The following PDCD11 variants were observed in gnomAD, a reference collection of about 807,000 sequenced individuals.
PDCD11 encodes programmed cell death 11.
In PDCD11, 97 loss-of-function variants were observed where a neutral mutation model predicts 198.9. That is an observed-to-expected ratio of 0.49 (90% CI 0.41 to 0.58). The LOEUF (loss-of-function observed/expected upper bound fraction) is 0.58, where lower values mean the gene tolerates loss of function less well. Among genes scored for constraint, PDCD11 ranks in the 20% least tolerant of loss-of-function variants. The pLI is 0.00. For synonymous variants in PDCD11, 893 were observed against 918.0 expected (o/e 0.97, Z 0.49); for missense variants, 2,102 against 2,312.7 (o/e 0.91, Z 1.87).
intron 17 of PDCD11, among the ~76,000 whole-genome samples, chr10:103,422,549 C>T (rs1040128005): frequency 6.6e-5 from 10 of 151,696 alleles, no homozygotes; most frequent in Non-Finnish European, 1.0e-4. Flanking sequence ...TGAATTCACT[C>T]GCCTTTTCAC....
At chr10:103,440,024 A>G (rs1032709362) in intron 28 of PDCD11, among the ~76,000 whole-genome samples, 156 bp downstream of exon 28, 3 of 152,206 alleles carry the variant, frequency 2.0e-5, no homozygotes, top group African/African-American at 7.2e-5. Flanking sequence ...CTTCTCCCCC[A>G]GTGCCTGTGA....
Position 103,439,308 on chromosome 10 carries a change from C to G in PDCD11, c.4026-438C>G. ...ATTAAGCTATGATTGTGCCTCTGAC[C>G]TCCAGCCTGGGAGGCAGTGATACCC... is the stretch of plus-strand genomic sequence containing the variant. On this transcript the variant is annotated intron_variant, in intron 27 of 35. Coordinates refer to ENST00000369797, the MANE Select transcript of PDCD11 (RefSeq NM_014976.2). Among the ~76,000 whole-genome samples, 2 of 152,136 alleles carry G rather than the reference C, an allele frequency of 1.3e-5. 1 individual carries two copies. Among genetic ancestry groups the G allele is most frequent in the Admixed American group, 1.3e-4 (2 of 15,268 alleles).
chr10:103,434,910 A>G lies in PDCD11; in HGVS notation c.3780A>G (p.Ile1260Met). ...FPFGKIGTVSIFHMSDSYSET... is the reference protein window; with the variant it reads ...FPFGKIGTVSMFHMSDSYSET... ...TTGGGAAGATAGGAACAGTCAGTAT[A>G]TTTCACATGAGTGACTCCTACTCCG... Residue 1260 changes from isoleucine (I) to methionine (M), a missense_variant, in exon 25 of 36, where the codon ATA becomes ATG. Ile to Met is a conservative substitution (Grantham distance 10). Coordinates refer to ENST00000369797, the MANE Select transcript of PDCD11 (RefSeq NM_014976.2). 1 of 1,610,278 alleles carries G rather than the reference A, an allele frequency of 6.2e-7. No individual in the cohort carries two copies. Among genetic ancestry groups the G allele is most frequent in the South Asian group, 1.1e-5 (1 of 90,356 alleles).
chr10:103,430,328 A>T (rs1461002835), intron 21 of PDCD11, among the ~76,000 whole-genome samples: 1 of 152,198 alleles, frequency 6.6e-6, no homozygotes, highest in Non-Finnish European at 1.5e-5. Context: ...ATATTCCATT[A>T]TAGGTATATG....
intron 14 of PDCD11, among the ~76,000 whole-genome samples, chr10:103,418,237 G>A (rs553511306): frequency 6.6e-6 from 1 of 152,300 alleles, no homozygotes; most frequent in South Asian, 2.1e-4. Context: ...AGAGAGGAGT[G>A]CGATGGGTCC....
chr10:103,425,329 G>C lies in PDCD11; in HGVS notation c.3109G>C (p.Asp1037His), dbSNP rs773403880. 6.2e-7 allele frequency: 1 copy of C among 1,614,000 alleles called. No individual in the cohort carries two copies. Among genetic ancestry groups the C allele is most frequent in the Non-Finnish European group, 8.5e-7 (1 of 1,180,028 alleles). ...TIKKHTLSIG[D>H]MVTGTVKSIK... ...AAAGAAGCACACCCTCTCCATCGGG[G>C]ACATGGTCACAGGGACTGTCAAGTC... is the stretch of plus-strand genomic sequence containing the variant. The change falls in exon 20 of 36, where the codon GAC becomes CAC. Residue 1037 changes from aspartate to histidine, a missense_variant. Physicochemically the swap from Asp to His is moderately conservative, Grantham distance 81. Transcript: ENST00000369797.
chr10:103,442,767 G>A (rs1210941129), intron 32 of PDCD11, among the ~76,000 whole-genome samples: 4 of 152,228 alleles, frequency 2.6e-5, no homozygotes, highest in African/African-American at 4.8e-5. Context: ...ATACCTGGGC[G>A]AAATCCCTGT....
intron 18 of PDCD11, 25 bp downstream of exon 18, chr10:103,423,162 G>A (rs368497644): frequency 6.6e-7 from 1 of 1,521,348 alleles, no homozygotes; most frequent in African/African-American, 1.4e-5. Context: ...CTTACCCATT[G>A]TGGTTGGTGG....
chr10:103,397,026 C>T (rs1340202790), intron 1 of PDCD11, among the ~76,000 whole-genome samples: 2 of 152,102 alleles, frequency 1.3e-5, no homozygotes, highest in African/African-American at 2.4e-5. Flanking sequence ...TTTCCTGTTT[C>T]TATGAATCAT....
Position 103,415,075 on chromosome 10 carries a change from C to G in PDCD11, c.1442C>G (p.Pro481Arg), listed in dbSNP as rs180760747. ...KVGEQMRGLV[P>R]PMHLADILMK... ...GGCGAGCAGATGAGGGGCCTGGTACCTCCCATGCACCTGGCTGACATCCTG... is the reference window on the plus strand; with the variant it reads ...GGCGAGCAGATGAGGGGCCTGGTACGTCCCATGCACCTGGCTGACATCCTG... The change falls in exon 12 of 36, where the codon CCT becomes CGT. Residue 481 changes from proline to arginine, a missense_variant. Transcript: ENST00000369797. The G allele has an allele frequency of 5.3e-5, 85 of 1,613,864 alleles. No homozygotes were observed. The East Asian group carries it at 1.1e-3, about 21-fold the overall frequency.
At chr10:103,416,396 G>A (rs1564763564) in intron 12 of PDCD11, 95 bp from the exon 13 acceptor site, 2 of 1,281,634 alleles carry the variant, frequency 1.6e-6, no homozygotes, top group Non-Finnish European at 2.2e-6. Flanking sequence ...TTGGGGAATG[G>A]CCCCGTGGCT....
intron 22 of PDCD11, 53 bp from the exon 23 acceptor site, chr10:103,433,893 GGC>G: frequency 1.5e-6 from 2 of 1,374,358 alleles, no homozygotes; most frequent in Admixed American, 3.4e-5. Flanking sequence ...AAGTTTTAAT[GGC>G]GGGAAACCTT....
rs775269917 is a variant in PDCD11, at chr10:103,445,550, T to G, written c.*1T>G. On this transcript the variant is annotated 3_prime_UTR_variant, in exon 36 of 36. Transcript: ENST00000369797. Reference sequence around the variant, plus strand: ...CAAGAGCTCAGTGCTAGAGGACTAGTGGCAGGCTGGCTCTGTGGGACACTG... The same window carrying G: ...CAAGAGCTCAGTGCTAGAGGACTAGGGGCAGGCTGGCTCTGTGGGACACTG... 6.2e-7 allele frequency: 1 copy of G among 1,612,572 alleles called. No homozygotes were observed. Among genetic ancestry groups the G allele is most frequent in the South Asian group, 1.1e-5 (1 of 91,002 alleles).
chr10:103,442,018 T>C (rs758814164), intron 31 of PDCD11, 43 bp downstream of exon 31: 9 of 1,610,242 alleles, frequency 5.6e-6, no homozygotes, highest in Non-Finnish European at 6.8e-6. Flanking sequence ...AGGGACCCCT[T>C]GGTGTCAGTC....
intron 16 of PDCD11, among the ~76,000 whole-genome samples, chr10:103,420,257 C>G (rs2031349172): frequency 6.6e-6 from 1 of 152,090 alleles, no homozygotes; most frequent in Admixed American, 6.6e-5. Context: ...TCCCACTCCA[C>G]ACTACACATT....
intron 8 of PDCD11, among the ~76,000 whole-genome samples, chr10:103,411,980 T>C (rs1424513772): frequency 1.3e-5 from 2 of 151,968 alleles, no homozygotes; most frequent in Non-Finnish European, 2.9e-5. Flanking sequence ...TGAGTAAACT[T>C]TCTGGCTAAT....
intron 27 of PDCD11, 115 bp downstream of exon 27, chr10:103,438,923 G>T: frequency 9.7e-7 from 1 of 1,026,412 alleles, no homozygotes; most frequent in Non-Finnish European, 1.5e-6. Context: ...AGGGAGGAGA[G>T]TTTATGAGTC....
chr10:103,434,389 C>A (rs373594962), intron 24 of PDCD11, 39 bp downstream of exon 24: 12 of 1,317,588 alleles, frequency 9.1e-6, no homozygotes, highest in Non-Finnish European at 1.3e-5. Context: ...GGAAGGGGAG[C>A]GGCAGGAAGG....
chr10:103,397,211 CT>C (rs11316851), intron 1 of PDCD11, among the ~76,000 whole-genome samples: 43,646 of 124,560 alleles, frequency 0.35, 7,075 homozygotes, highest in South Asian at 0.55. Context: ...CATTTGAATC[CT>C]TTTTTTTTTT....
Sources: allele counts gnomAD v4.1 joint callset (sites outside exome capture counted in the v4.1 genomes callset), GRCh38; gene constraint gnomAD v4.1.1; transcripts MANE v1.5; gene names NCBI Gene and HGNC (gene_info 2026-07-23, HGNC 2026-07-21).